Variants in PRDM16 observed in about 807,000 individuals in gnomAD.
PRDM16 encodes histone-lysine N-methyltransferase PRDM16.
In PRDM16, 23 loss-of-function variants were observed where a neutral mutation model predicts 110.6. The observed-to-expected ratio is 0.21, with a 90% CI of 0.15 to 0.29. The LOEUF (loss-of-function observed/expected upper bound fraction) is 0.29. Among genes scored for constraint, PRDM16 ranks in the 10% least tolerant of loss-of-function variants. The pLI is 1.00. For missense variants in PRDM16, 1,615 were observed against 1,794.3 expected, an observed-to-expected ratio of 0.90 and a Z score of 1.81; for synonymous variants, 799 against 781.8, an observed-to-expected ratio of 1.02 and a Z score of -0.37.
At chr1:3,334,534 T>C (rs1371206753) in intron 3 of PRDM16, among the ~76,000 whole-genome samples, 1 of 152,018 alleles carries the variant, frequency 6.6e-6, no homozygotes, top group African/African-American at 2.4e-5. Context: ...CGCCATCAAC[T>C]CCTCTTGTGG....
chr1:3,124,327 C>T (rs1470021726), intron 1 of PRDM16, among the ~76,000 whole-genome samples: 1 of 152,216 alleles, frequency 6.6e-6, no homozygotes, highest in African/African-American at 2.4e-5. Flanking sequence ...CAGACAGTCT[C>T]CTGTTTTGCA....
chr1:3,073,974 C>A (rs1641830013), intron 1 of PRDM16, among the ~76,000 whole-genome samples: 1 of 152,190 alleles, frequency 6.6e-6, no homozygotes, highest in African/African-American at 2.4e-5. Context: ...GACATCCCGA[C>A]CCGCGCCCCG....
chr1:3,267,158 G>T (rs1640314368), intron 3 of PRDM16, among the ~76,000 whole-genome samples: 1 of 152,110 alleles, frequency 6.6e-6, no homozygotes, highest in African/African-American at 2.4e-5. Context: ...CCCTGTACCC[G>T]TGAGCAGCCA....
intron 1 of PRDM16, among the ~76,000 whole-genome samples, chr1:3,162,607 G>T (rs74943250): frequency 0.047 from 7,090 of 152,288 alleles, 248 homozygotes; most frequent in East Asian, 0.19. Context: ...AGGCTCCCAG[G>T]AAGTGAATCA....
chr1:3,121,753 C>T lies in PRDM16; in HGVS notation c.37+52457C>T, dbSNP rs572660415. Among the ~76,000 whole-genome samples, 304 of 152,340 alleles carry T rather than the reference C, an allele frequency of 2.0e-3. 1 individual carries two copies. The highest frequency in any genetic ancestry group is 7.0e-3 in the African/African-American group (290 of 41,580). ...ACAGCGGCCCTCCACCTCGGCTGCGCGCTGCAGGCCCTTCTCTGCGGGGCC... is the reference window on the plus strand; with the variant it reads ...ACAGCGGCCCTCCACCTCGGCTGCGTGCTGCAGGCCCTTCTCTGCGGGGCC... On this transcript the variant is annotated intron_variant, in intron 1 of 16. Coordinates refer to ENST00000270722, the MANE Select transcript of PRDM16 (RefSeq NM_022114.4).
chr1:3,296,746 T>C (rs764127321), intron 3 of PRDM16, among the ~76,000 whole-genome samples: 1 of 152,224 alleles, frequency 6.6e-6, no homozygotes, highest in Non-Finnish European at 1.5e-5. Flanking sequence ...CTGATTTGTT[T>C]TCAGAAGAAT....
intron 3 of PRDM16, among the ~76,000 whole-genome samples, chr1:3,368,424 G>A (rs888471380): frequency 6.6e-6 from 1 of 152,236 alleles, no homozygotes; most frequent in Non-Finnish European, 1.5e-5. Flanking sequence ...AGACTCTTCT[G>A]TATCCATGGC....
chr1:3,085,638 C>A (rs983120998), intron 1 of PRDM16, among the ~76,000 whole-genome samples: 3 of 152,236 alleles, frequency 2.0e-5, no homozygotes, highest in African/African-American at 7.2e-5. Flanking sequence ...GCTGTGGTGT[C>A]ATCAAGAACG....
At chr1:3,218,984 A>C (rs889623598) in intron 2 of PRDM16, among the ~76,000 whole-genome samples, 8 of 152,322 alleles carry the variant, frequency 5.3e-5, no homozygotes, top group African/African-American at 1.9e-4. Context: ...CCTGGGGCCC[A>C]GCTCTCCCAA....
At chr1:3,328,203 A>T (rs547028660) in intron 3 of PRDM16, among the ~76,000 whole-genome samples, 63 of 152,108 alleles carry the variant, frequency 4.1e-4, no homozygotes, top group African/African-American at 1.5e-3. Flanking sequence ...CCCTGTCCAC[A>T]CCCCCAGCTG....
At chr1:3,329,375 C>G (rs902921545) in intron 3 of PRDM16, among the ~76,000 whole-genome samples, 1 of 152,198 alleles carries the variant, frequency 6.6e-6, no homozygotes, top group African/African-American at 2.4e-5. Context: ...CCCCCCACCC[C>G]TTCCCGACTG....
In PRDM16 at chr1:3,246,317, T is replaced by C. The variant is rs923623178; in HGVS notation, c.438+2180T>C. On this transcript the variant is annotated intron_variant, in intron 3 of 16. Transcript: ENST00000270722. The surrounding 1 kb of genome is among the most constrained non-coding windows in gnomAD (Gnocchi z 5.2). ...AAGTGCCCAGGGCAGCAGGCATCCC[T>C]CTGACGCAGGCCCTTGGAAAGCAGG... Among the ~76,000 whole-genome samples, 1 of 152,164 alleles carries C rather than the reference T, an allele frequency of 6.6e-6. No homozygotes were observed. The highest frequency in any genetic ancestry group is 1.5e-5 in the Non-Finnish European group (1 of 68,016).
intron 2 of PRDM16, among the ~76,000 whole-genome samples, chr1:3,204,467 A>G (rs946438868): frequency 6.6e-6 from 1 of 152,238 alleles, no homozygotes; most frequent in South Asian, 2.1e-4. Flanking sequence ...TCCCAGAGAC[A>G]CACACCCTCC....
chr1:3,354,637 TCCAGCTCTGTG>T (rs998515528), intron 3 of PRDM16, among the ~76,000 whole-genome samples: 1 of 152,094 alleles, frequency 6.6e-6, no homozygotes, highest in Non-Finnish European at 1.5e-5. Context: ...TGTCTGGTGT[TCCAGCTCTGTG>T]CTGCTGGGGT....
intron 1 of PRDM16, among the ~76,000 whole-genome samples, chr1:3,150,892 A>G (rs1433951256): frequency 7.8e-6 from 1 of 128,978 alleles, no homozygotes; most frequent in Non-Finnish European, 1.6e-5. Flanking sequence ...TCCTAGAGCT[A>G]TGGAAACGGG....
intron 2 of PRDM16, among the ~76,000 whole-genome samples, chr1:3,204,604 C>T (rs1006590613): frequency 6.6e-6 from 1 of 152,242 alleles, no homozygotes; most frequent in African/African-American, 2.4e-5. Context: ...AATAGCTCGG[C>T]TGCTCCGTTA....
chr1:3,099,568 G>A (rs920387252), intron 1 of PRDM16, among the ~76,000 whole-genome samples: 4 of 152,166 alleles, frequency 2.6e-5, no homozygotes, highest in African/African-American at 9.7e-5. Context: ...TGAATGTTTT[G>A]GGGTGCTCAG....
At chr1:3,239,699 A>T (rs1639617122) in intron 2 of PRDM16, among the ~76,000 whole-genome samples, 1 of 152,236 alleles carries the variant, frequency 6.6e-6, no homozygotes, top group African/African-American at 2.4e-5. Flanking sequence ...CTGTCATCCT[A>T]GCACTTTGGG....
chr1:3,185,988 C>T (rs1019070610), intron 1 of PRDM16, 137 bp from the exon 2 acceptor site: 22 of 687,998 alleles, frequency 3.2e-5, no homozygotes, highest in Non-Finnish European at 5.6e-5. Context: ...GTCTCCCGGG[C>T]AGGGGTGGCA....
Sources: allele counts gnomAD v4.1 joint callset (sites outside exome capture counted in the v4.1 genomes callset), GRCh38; gene constraint gnomAD v4.1.1; non-coding constraint Gnocchi (gnomAD v3.1); transcripts MANE v1.5; gene names NCBI Gene and HGNC (gene_info 2026-07-23, HGNC 2026-07-21).